HTRA3: variants seen among roughly 807,000 people sequenced by gnomAD.
HTRA3 encodes HtrA serine peptidase 3.
Under a neutral mutation model 43.2 loss-of-function variants are expected in HTRA3, and 41 were observed. The observed-to-expected ratio is 0.95, with a 90% CI of 0.74 to 1.23. The LOEUF is 1.23. Among genes scored for constraint, HTRA3 ranks in the 50% most tolerant of loss-of-function variants. The pLI is 0.00. For synonymous variants in HTRA3, 295 were observed against 287.9 expected, an observed-to-expected ratio of 1.02 and a Z score of -0.25; for missense variants, 628 against 647.1, an observed-to-expected ratio of 0.97 and a Z score of 0.32.
intron 1 of HTRA3, among the ~76,000 whole-genome samples, chr4:8,280,214 C>T (rs577852687): frequency 3.3e-5 from 5 of 152,252 alleles, no homozygotes; most frequent in African/African-American, 4.8e-5. Flanking sequence ...GTGCCCGTGC[C>T]CTGGCGCTTC....
chr4:8,289,299 C>G (rs921613348), intron 3 of HTRA3, among the ~76,000 whole-genome samples: 5 of 152,198 alleles, frequency 3.3e-5, no homozygotes, highest in Admixed American at 3.3e-4. Context: ...TTTGCAAGCC[C>G]TGTGGTCTCT....
At chr4:8,285,494 G>A (rs1037718541) in intron 2 of HTRA3, among the ~76,000 whole-genome samples, 6 of 152,160 alleles carry the variant, frequency 3.9e-5, no homozygotes, top group Non-Finnish European at 8.8e-5. Context: ...CGTGCCAGAC[G>A]TTTCCATCCC....
chr4:8,282,382 G>T, intron 1 of HTRA3, 55 bp from the exon 2 acceptor site: 1 of 1,389,580 alleles, frequency 7.2e-7, no homozygotes, highest in East Asian at 2.4e-5. Context: ...TAGGCCTCTG[G>T]GAGCTGGCAG....
chr4:8,274,819 A>T (rs1712454497), intron 1 of HTRA3, among the ~76,000 whole-genome samples: 1 of 152,186 alleles, frequency 6.6e-6, no homozygotes, highest in Non-Finnish European at 1.5e-5. Flanking sequence ...TGCGCTCAGA[A>T]TGTAGAGCCC....
At chr4:8,302,097 A>T (rs1407887318) in intron 6 of HTRA3, among the ~76,000 whole-genome samples, 1 of 152,218 alleles carries the variant, frequency 6.6e-6, no homozygotes, top group Non-Finnish European at 1.5e-5. Context: ...AGTTCCAAGC[A>T]GGGAACATTT....
chr4:8,304,254 G>T lies in HTRA3; in HGVS notation c.1171G>T (p.Val391Phe), dbSNP rs768742439. ...CAGCAGTGGAATTTATGTGCAAGAG[G>T]TTGCGCCGAATTCACCTTCTCAGAG... ...EVSSGIYVQE[V>F]APNSPSQRGG... is the part of the protein sequence containing the mutation. Residue 391 changes from valine to phenylalanine, a missense_variant, in exon 8 of 9, where the codon GTT (valine) becomes TTT (phenylalanine). By Grantham distance (50) the Val-to-Phe change is conservative. Transcript: ENST00000307358. 10 of 1,614,158 alleles carry T rather than the reference G, an allele frequency of 6.2e-6. 1 individual carries two copies. Among genetic ancestry groups the T allele is most frequent in the South Asian group, 5.5e-5 (5 of 91,076 alleles).
intron 6 of HTRA3, among the ~76,000 whole-genome samples, chr4:8,298,793 G>A (rs926823044): frequency 5.3e-5 from 8 of 152,142 alleles, no homozygotes; most frequent in East Asian, 3.8e-4. Context: ...CCTTCGCACC[G>A]TTGTCCAAAA....
At chr4:8,289,093 G>A (rs1305196733) in intron 3 of HTRA3, among the ~76,000 whole-genome samples, 1 of 151,644 alleles carries the variant, frequency 6.6e-6, no homozygotes, top group Non-Finnish European at 1.5e-5. Context: ...AGGACTACAG[G>A]CATGCACCAC....
At chr4:8,299,471 CCTT>C (rs2153006988) in intron 6 of HTRA3, among the ~76,000 whole-genome samples, 1 of 152,098 alleles carries the variant, frequency 6.6e-6, no homozygotes, top group South Asian at 2.1e-4. Context: ...AATCTGAATG[CCTT>C]TTTTTTTTCT....
chr4:8,270,263 A>G lies in HTRA3; in HGVS notation c.295A>G (p.Asn99Asp). Residue 99 changes from asparagine (N) to aspartate (D), a missense_variant, in exon 1 of 9, where the codon AAC becomes GAC. Asn to Asp is a conservative substitution (Grantham distance 23). Coordinates refer to ENST00000307358, the MANE Select transcript of HTRA3 (RefSeq NM_053044.5). ...TGGCACCGACGGGCACACCTATGCC[A>G]ACGTGTGCGCGCTGCAGGCGGCCAG... Reference protein sequence around the residue: ...VCGTDGHTYANVCALQAASRR... With the variant: ...VCGTDGHTYADVCALQAASRR... 6.6e-7 allele frequency: 1 copy of G among 1,508,888 alleles called. No homozygotes were observed. The highest frequency in any genetic ancestry group is 8.8e-7 in the Non-Finnish European group (1 of 1,136,704). 93.5% of individuals were successfully genotyped at this position (1,508,888 alleles called of 1,614,324 possible). A position where few individuals can be genotyped will look rare whatever the true frequency, so the allele number is the denominator to read the frequency against.
At chr4:8,288,878 T>TTTCCTTCCTTCCTTCCTTCCTTCCTTCC (rs202091323) in intron 3 of HTRA3, among the ~76,000 whole-genome samples, 3 of 118,120 alleles carry the variant, frequency 2.5e-5, no homozygotes, top group African/African-American at 7.2e-5. Flanking sequence ...ACCCCCAAAT[T>TTTCCTTCCTTCCTTCCTTCCTTCCTTCC]TTCCTTCCTT....
At chr4:8,278,065 T>TA (rs765386238) in intron 1 of HTRA3, among the ~76,000 whole-genome samples, 1 of 152,178 alleles carries the variant, frequency 6.6e-6, no homozygotes, top group Non-Finnish European at 1.5e-5. Flanking sequence ...GGCCTGGAGT[T>TA]ACGCAGTGTA....
chr4:8,295,639 GC>G lies in HTRA3; in HGVS notation c.1051+1441del. 1 of 1,326,200 alleles carries G rather than the reference GC, an allele frequency of 7.5e-7. No individual in the cohort carries two copies. The allele number at this position is 1,326,200 out of a possible 1,614,324, so 82.2% of individuals were successfully genotyped here. The stretch of plus-strand genomic sequence containing the variant: ...CTCCTGTGCCCACCTCCTGGCCAAC[GC>G]CCAGGCCTGACTCAGCAACTCACAC... On this transcript the variant is annotated intron_variant, in intron 6 of 8. Coordinates refer to ENST00000307358, the MANE Select transcript of HTRA3 (RefSeq NM_053044.5). The surrounding 1 kb of genome is among the most constrained non-coding windows in gnomAD (Gnocchi z 6.9).
intron 8 of HTRA3, among the ~76,000 whole-genome samples, chr4:8,304,866 C>T (rs1713782287): frequency 6.6e-6 from 1 of 152,022 alleles, no homozygotes; most frequent in African/African-American, 2.4e-5. Flanking sequence ...ACCACGTTGG[C>T]CAGGCTAGTC....
rs539417705 is a variant in HTRA3, at chr4:8,279,040, C to A, written c.386-3397C>A. 6.6e-6 allele frequency among the ~76,000 whole-genome samples: 1 copy of A among 151,996 alleles called. No individual in the cohort carries two copies. The highest frequency in any genetic ancestry group is 2.1e-4 in the South Asian group (1 of 4,820). On this transcript the variant is annotated intron_variant, in intron 1 of 8. Coordinates refer to ENST00000307358, the MANE Select transcript of HTRA3 (RefSeq NM_053044.5). This position sits in a 1 kb window ranked among gnomAD's most constrained non-coding sequence, Gnocchi z 7.4. Reference sequence around the variant, plus strand: ...ATCCCTTCCCTCTGAAATGTCTCAGCGGCTGTCTCACCCTGTGCTGGTTAC... The same window carrying A: ...ATCCCTTCCCTCTGAAATGTCTCAGAGGCTGTCTCACCCTGTGCTGGTTAC...
At chr4:8,293,660 G>A (rs1447021214) in intron 5 of HTRA3, among the ~76,000 whole-genome samples, 1 of 152,092 alleles carries the variant, frequency 6.6e-6, no homozygotes, top group Non-Finnish European at 1.5e-5. Context: ...GGGTCAAGGA[G>A]CTCCCCTGGT....
At chr4:8,273,452 C>T (rs968861774) in intron 1 of HTRA3, among the ~76,000 whole-genome samples, 7 of 152,134 alleles carry the variant, frequency 4.6e-5, no homozygotes, top group Admixed American at 3.9e-4. Context: ...CTCTCCCCTC[C>T]CCATGTCAGC....
rs144431760 is a variant in HTRA3 at position 8,291,438 on chromosome 4, C to T, written c.777C>T (p.Ile259=). The T allele has an allele frequency of 6.3e-5, 102 of 1,613,280 alleles. No homozygotes were observed. The highest frequency in any genetic ancestry group is 1.6e-4 in the Middle Eastern group (1 of 6,062). ...GGCCTGGGGAGTTTGTGGTGGCCAT[C>T]GGCAGTCCCTTCGCCCTACAGAACA... ...DLRPGEFVVA[I]GSPFALQNTV... is the part of the protein sequence containing the mutation. Residue 259 remains isoleucine (I), a synonymous_variant, in exon 4 of 9, where the codon ATC becomes ATT. Transcript: ENST00000307358.
intron 1 of HTRA3, among the ~76,000 whole-genome samples, chr4:8,271,572 G>A (rs931095288): frequency 6.6e-6 from 1 of 152,212 alleles, no homozygotes; most frequent in Non-Finnish European, 1.5e-5. Flanking sequence ...CAACGCCTGA[G>A]ACTGGGCAGT....
Sources: allele counts gnomAD v4.1 joint callset (sites outside exome capture counted in the v4.1 genomes callset), GRCh38; gene constraint gnomAD v4.1.1; non-coding constraint Gnocchi (gnomAD v3.1); transcripts MANE v1.5; gene names NCBI Gene and HGNC (gene_info 2026-07-23, HGNC 2026-07-21).